Variants in RBFOX1 observed in about 807,000 individuals in gnomAD.
RBFOX1 encodes RNA binding fox-1 homolog 1, also known as RNA binding protein fox-1 homolog 1.
Under a neutral mutation model 57.7 loss-of-function variants are expected in RBFOX1, and 8 were observed. The ratio of observed to expected loss-of-function variants is 0.14; its 90% CI spans 0.08 to 0.25. The LOEUF (loss-of-function observed/expected upper bound fraction) is 0.25. Among genes scored for constraint, RBFOX1 ranks in the 10% least tolerant of loss-of-function variants. The pLI is 1.00. For missense variants in RBFOX1, 611 were observed against 548.5 expected (o/e 1.11, Z -1.14); for synonymous variants, 326 against 222.4 (o/e 1.47, Z -4.15).
intron 4 of RBFOX1, among the ~76,000 whole-genome samples, chr16:7,061,237 C>T (rs934400210): frequency 3.3e-4 from 51 of 152,240 alleles, no homozygotes; most frequent in Non-Finnish European, 2.9e-5. Flanking sequence ...AAATAAGAAA[C>T]TCATAAGTAC....
At chr16:5,415,982 G>A (rs2067150925) in intron 1 of RBFOX1, among the ~76,000 whole-genome samples, 1 of 152,178 alleles carries the variant, frequency 6.6e-6, no homozygotes, top group Non-Finnish European at 1.5e-5. Flanking sequence ...GCTGAGAGCT[G>A]TAACGCAGTG....
intron 3 of RBFOX1, among the ~76,000 whole-genome samples, chr16:6,709,629 C>T (rs1183765814): frequency 1.3e-5 from 2 of 152,188 alleles, no homozygotes; most frequent in African/African-American, 4.8e-5. Context: ...GCTCCTGATT[C>T]GATCTATGCT....
At chr16:6,284,594 G>A (rs551462492) in intron 1 of RBFOX1, among the ~76,000 whole-genome samples, 42 of 152,180 alleles carry the variant, frequency 2.8e-4, no homozygotes, top group African/African-American at 7.5e-4. Context: ...CTTTAAATAC[G>A]GTGTTGATGT....
At chr16:5,710,901 G>A (rs889455890) in intron 3 of RBFOX1, among the ~76,000 whole-genome samples, 1 of 152,158 alleles carries the variant, frequency 6.6e-6, no homozygotes, top group Admixed American at 6.5e-5. Context: ...CTTGGTATGA[G>A]CAAGGAAAAC....
chr16:5,700,749 CCTT>C (rs2051019136), intron 3 of RBFOX1, among the ~76,000 whole-genome samples: 1 of 152,102 alleles, frequency 6.6e-6, no homozygotes, highest in Non-Finnish European at 1.5e-5. Flanking sequence ...TATTACTTAC[CCTT>C]CTTTTATTTT....
rs577670175 is a variant in RBFOX1 at position 6,891,104 on chromosome 16, C to T, written c.-15-160953C>T. Among the ~76,000 whole-genome samples, 4 of 152,296 alleles carry T rather than the reference C, an allele frequency of 2.6e-5. No homozygotes were observed. The East Asian group carries it at 5.8e-4, about 22-fold the overall frequency. On this transcript the variant is annotated intron_variant, in intron 3 of 15. Coordinates refer to ENST00000550418, the MANE Select transcript of RBFOX1 (RefSeq NM_018723.4). ...TGACACCAGGCGTTCTTCCAATATC[C>T]ATCCATTCATTCATTAGTGACTTTC...
At chr16:7,272,018 G>A (rs935069678) in intron 4 of RBFOX1, among the ~76,000 whole-genome samples, 2 of 152,032 alleles carry the variant, frequency 1.3e-5, no homozygotes, top group Non-Finnish European at 2.9e-5. Flanking sequence ...GTGTTTTTGG[G>A]AATAGAGAAT....
chr16:7,023,065 A>T (rs1438391445), intron 3 of RBFOX1, among the ~76,000 whole-genome samples: 1 of 152,164 alleles, frequency 6.6e-6, no homozygotes, highest in Non-Finnish European at 1.5e-5. Flanking sequence ...GAGATAAGAG[A>T]ATCCTATGCA....
intron 4 of RBFOX1, among the ~76,000 whole-genome samples, chr16:7,506,612 A>G (rs1438884718): frequency 6.6e-6 from 1 of 152,096 alleles, no homozygotes; most frequent in East Asian, 1.9e-4. Context: ...CATCACCACC[A>G]CCACCATCTT....
chr16:6,480,350 G>T (rs1002805205), intron 2 of RBFOX1, among the ~76,000 whole-genome samples: 37 of 152,140 alleles, frequency 2.4e-4, no homozygotes, highest in African/African-American at 8.7e-4. Context: ...GGGCCACTTG[G>T]TCTCTCACAG....
chr16:5,311,967 A>C (rs1261300485), intron 1 of RBFOX1, among the ~76,000 whole-genome samples: 6 of 152,208 alleles, frequency 3.9e-5, no homozygotes, highest in Non-Finnish European at 7.3e-5. Flanking sequence ...GTAAATCATG[A>C]GCCTTGCAAG....
At chr16:5,370,106 G>A (rs539165171) in intron 1 of RBFOX1, among the ~76,000 whole-genome samples, 1 of 152,240 alleles carries the variant, frequency 6.6e-6, no homozygotes, top group South Asian at 2.1e-4. Context: ...GGAACAAACT[G>A]TACAGAAATA....
chr16:6,903,119 C>G (rs144566811), intron 3 of RBFOX1, among the ~76,000 whole-genome samples: 1 of 152,260 alleles, frequency 6.6e-6, no homozygotes, highest in Non-Finnish European at 1.5e-5. Context: ...GGACGCGATT[C>G]TGAAGCCATC....
At position 7,383,098 on chromosome 16, in the gene RBFOX1, C is replaced by T. The variant is rs561843586; in HGVS notation, c.28-135049C>T. ...TGCAATATCCAGTTGATCTTAGATTCTGATTCTAGCAGGTGTTCATGGTAC... is the reference window on the plus strand; with the variant it reads ...TGCAATATCCAGTTGATCTTAGATTTTGATTCTAGCAGGTGTTCATGGTAC... On this transcript the variant is annotated intron_variant, in intron 4 of 15. Transcript: ENST00000550418. Among the ~76,000 whole-genome samples the T allele has an allele frequency of 2.6e-5, 4 of 152,104 alleles. No individual in the cohort carries two copies. The South Asian group carries it at 8.3e-4, about 32-fold the overall frequency.
At chr16:6,181,288 T>C (rs749322685) in intron 1 of RBFOX1, among the ~76,000 whole-genome samples, 13 of 152,338 alleles carry the variant, frequency 8.5e-5, no homozygotes, top group East Asian at 1.9e-4. Flanking sequence ...TAGCCTACTC[T>C]ACCCAGGCAG....
intron 4 of RBFOX1, among the ~76,000 whole-genome samples, chr16:7,405,273 C>T: frequency 6.6e-6 from 1 of 152,188 alleles, no homozygotes; most frequent in East Asian, 1.9e-4. Flanking sequence ...TGATGCCAGC[C>T]CAGAGGCAGG....
chr16:5,278,964 CA>C (rs2151142623), intron 1 of RBFOX1, among the ~76,000 whole-genome samples: 1 of 152,172 alleles, frequency 6.6e-6, no homozygotes, highest in Admixed American at 6.5e-5. Context: ...GTTTTAATAC[CA>C]ATACACACTG....
chr16:5,869,321 T>G (rs1011713282), intron 4 of RBFOX1, among the ~76,000 whole-genome samples: 2 of 152,222 alleles, frequency 1.3e-5, no homozygotes, highest in Admixed American at 1.3e-4. Flanking sequence ...AGACACATTC[T>G]TATATCTGCA....
chr16:6,593,001 C>T (rs569731360), intron 2 of RBFOX1, among the ~76,000 whole-genome samples: 34 of 152,004 alleles, frequency 2.2e-4, no homozygotes, highest in Non-Finnish European at 4.3e-4. Context: ...ACGACTAGCC[C>T]GGCCAACATG....
Sources: gnomAD v4.1 joint callset for allele counts (sites outside exome capture counted in the v4.1 genomes callset) on GRCh38, gnomAD v4.1.1 for gene constraint, MANE v1.5 for transcripts, NCBI Gene and HGNC (gene_info 2026-07-23, HGNC 2026-07-21) for gene names.